The following COL18A1 variants were observed in gnomAD, a reference collection of about 807,000 sequenced individuals.
The protein encoded by COL18A1 is collagen alpha-1(XVIII) chain.
In COL18A1, 133 loss-of-function variants were observed where a neutral mutation model predicts 168.0. The ratio of observed to expected loss-of-function variants is 0.79; its 90% CI spans 0.69 to 0.91. The LOEUF is 0.91. COL18A1 is among the 40% of genes least tolerant of loss of function. The pLI is 0.00. For missense variants in COL18A1, 2,126 were observed against 1,925.4 expected (o/e 1.10, Z -1.95); for synonymous variants, 949 against 809.0 (o/e 1.17, Z -2.94).
Position 45,480,717 on chromosome 21 carries a change from T to C in COL18A1, c.1470T>C (p.Pro490=). Residue 490 remains proline (P), a synonymous_variant, in exon 13 of 42, where the codon CCT becomes CCC. Coordinates refer to ENST00000651438, the MANE Select transcript of COL18A1 (RefSeq NM_001379500.1). ...LEALRGPRGF[P]GPPGPPGVPG... ...ACGTCCAGGGTCCTCGAGGCTTCCCTGGACCTCCCGGACCCCCCGGTGTCC... is the reference window on the plus strand; with the variant it reads ...ACGTCCAGGGTCCTCGAGGCTTCCCCGGACCTCCCGGACCCCCCGGTGTCC... 6.2e-7 allele frequency: 1 copy of C among 1,610,912 alleles called. No individual in the cohort carries two copies. Among genetic ancestry groups the C allele is most frequent in the East Asian group, 2.2e-5 (1 of 44,856 alleles).
At chr21:45,505,780 CGCCCCT>C in intron 36 of COL18A1, 52 bp from the exon 37 acceptor site, 1 of 1,293,168 alleles carries the variant, frequency 7.7e-7, no homozygotes, top group Non-Finnish European at 1.1e-6. Flanking sequence ...TCCTTCCTTC[CGCCCCT>C]GCCCCCCGCC....
chr21:45,424,743 G>GC (rs1414603197), intron 2 of COL18A1: 1 of 152,296 alleles, frequency 6.6e-6, no homozygotes, highest in Admixed American at 6.5e-5. Flanking sequence ...GCAGCCCTTG[G>GC]CCCCCACTGA....
At chr21:45,409,677 T>G (rs887124071) in intron 2 of COL18A1, among the ~76,000 whole-genome samples, 1 of 152,232 alleles carries the variant, frequency 6.6e-6, no homozygotes, top group African/African-American at 2.4e-5. Context: ...TGCCATCTGG[T>G]GCCTGAGCGC....
chr21:45,422,999 A>G (rs906521627), intron 2 of COL18A1, among the ~76,000 whole-genome samples: 7 of 152,014 alleles, frequency 4.6e-5, no homozygotes, highest in African/African-American at 1.7e-4. Context: ...TTTTTAGTAG[A>G]GACAAGGTTT....
At chr21:45,466,738 G>A (rs993179299) in intron 2 of COL18A1, among the ~76,000 whole-genome samples, 10 of 152,174 alleles carry the variant, frequency 6.6e-5, no homozygotes, top group Non-Finnish European at 1.0e-4. Context: ...CCGGTGTAGC[G>A]TGCTGGTACC....
chr21:45,451,975 C>A (rs1229319792), intron 2 of COL18A1, among the ~76,000 whole-genome samples: 4 of 152,258 alleles, frequency 2.6e-5, no homozygotes, highest in Non-Finnish European at 5.9e-5. Flanking sequence ...ACACGTGTGT[C>A]CTCTGTCTCT....
chr21:45,448,899 G>A (rs985183075), intron 2 of COL18A1, among the ~76,000 whole-genome samples: 2 of 152,076 alleles, frequency 1.3e-5, no homozygotes, highest in African/African-American at 4.8e-5. Context: ...TAACGTGGCA[G>A]TCCAGCTGGG....
At chr21:45,480,334 G>GT in intron 11 of COL18A1, 133 bp from the exon 12 acceptor site, 1 of 1,520,294 alleles carries the variant, frequency 6.6e-7, no homozygotes, top group Non-Finnish European at 9.0e-7. Flanking sequence ...TTCTCTGGGG[G>GT]CAGCAGAGGG....
chr21:45,455,350 C>T lies in COL18A1; in HGVS notation c.107-12892C>T, dbSNP rs2083372079. On this transcript the variant is annotated intron_variant, in intron 2 of 41. Coordinates refer to ENST00000651438, the MANE Select transcript of COL18A1 (RefSeq NM_001379500.1). ...CCTTGGGTGCTGGAACCCCCGGGTG[C>T]TGGGCACCTTGATTCCAAGGCTGGT... The T allele has an allele frequency of 4.6e-5, 37 of 804,654 alleles. 1 individual carries two copies. The South Asian group carries it at 6.2e-4, about 13-fold the overall frequency. 49.8% of individuals were successfully genotyped at this position (804,654 alleles called of 1,614,324 possible). A position where few individuals can be genotyped will look rare whatever the true frequency, so the allele number is the denominator to read the frequency against.
chr21:45,509,210 C>T (rs1487289730), intron 38 of COL18A1, 146 bp from the exon 39 acceptor site: 2 of 1,122,866 alleles, frequency 1.8e-6, no homozygotes, highest in Admixed American at 2.6e-5. Flanking sequence ...CCTACACCCC[C>T]AGGGCAGCCC....
chr21:45,477,549 C>G (rs979415470), intron 7 of COL18A1, 62 bp downstream of exon 7: 4 of 1,489,168 alleles, frequency 2.7e-6, no homozygotes, highest in Non-Finnish European at 3.7e-6. Context: ...GCCTTTTGGG[C>G]CACTCACTGG....
chr21:45,439,545 A>G (rs2034310362), intron 2 of COL18A1, among the ~76,000 whole-genome samples: 1 of 152,254 alleles, frequency 6.6e-6, no homozygotes, highest in Non-Finnish European at 1.5e-5. Flanking sequence ...GCCTGCTGAG[A>G]AATGCCTGGG....
chr21:45,490,437 C>A, intron 20 of COL18A1, 91 bp downstream of exon 20: 1 of 1,141,576 alleles, frequency 8.8e-7, no homozygotes, highest in African/African-American at 1.6e-5. Context: ...GATGTGCCCT[C>A]CCGGGTCCCT....
chr21:45,468,666 C>T lies in COL18A1; in HGVS notation c.531C>T (p.Tyr177=), dbSNP rs757004289. 1.1e-5 allele frequency: 18 copies of T among 1,613,780 alleles called. No homozygotes were observed. The highest frequency in any genetic ancestry group is 7.7e-5 in the South Asian group (7 of 91,096). Residue 177 remains tyrosine (Y), a synonymous_variant, in exon 3 of 42, where the codon TAC becomes TAT. Coordinates refer to ENST00000651438, the MANE Select transcript of COL18A1 (RefSeq NM_001379500.1). ...TGGCAGGTGGCTTTGTGGCCCTCTA[C>T]GTGGACTGTGAGGAGTTCCAGAGAA... ...LSVAGGFVAL[Y]VDCEEFQRMP...
intron 13 of COL18A1, 127 bp from the exon 14 acceptor site, chr21:45,481,836 C>T: frequency 2.7e-6 from 2 of 745,882 alleles, no homozygotes; most frequent in Admixed American, 2.0e-5. Flanking sequence ...GACTCTGGCC[C>T]TGTGTCTGGG....
In COL18A1 at chr21:45,478,110, G is replaced by T. The variant is rs1181684135; in HGVS notation, c.1221+145G>T. 11 of 747,548 alleles carry T rather than the reference G, an allele frequency of 1.5e-5. No individual in the cohort carries two copies. The East Asian group carries it at 3.0e-4, about 20-fold the overall frequency. 46.3% of individuals were successfully genotyped at this position (747,548 alleles called of 1,614,324 possible). A position where few individuals can be genotyped will look rare whatever the true frequency, so the allele number is the denominator to read the frequency against. On this transcript the variant is annotated intron_variant, in intron 8 of 41. Coordinates refer to ENST00000651438, the MANE Select transcript of COL18A1 (RefSeq NM_001379500.1). Reference sequence around the variant, plus strand: ...CCTCCTTAGGCCCACCGTTGCTCGGGGTTGGTGCTGGAAGGTGGTCAGACG... The same window carrying T: ...CCTCCTTAGGCCCACCGTTGCTCGGTGTTGGTGCTGGAAGGTGGTCAGACG...
At chr21:45,454,364 C>T (rs2034728051) in intron 2 of COL18A1, among the ~76,000 whole-genome samples, 1 of 152,092 alleles carries the variant, frequency 6.6e-6, no homozygotes, top group Non-Finnish European at 1.5e-5. Context: ...GACCCCAGCC[C>T]TGGGGGAGGG....
At chr21:45,505,559 C>T in intron 36 of COL18A1, 128 bp downstream of exon 36, 3 of 699,976 alleles carry the variant, frequency 4.3e-6, no homozygotes, top group Admixed American at 2.3e-5. Flanking sequence ...GATGCGGTTT[C>T]CAGGGTGGAA....
chr21:45,480,133 C>A lies in COL18A1; in HGVS notation c.1375C>A (p.Pro459Thr). 1 of 1,593,574 alleles carries A rather than the reference C, an allele frequency of 6.3e-7. No individual in the cohort carries two copies. The highest frequency in any genetic ancestry group is 8.6e-7 in the Non-Finnish European group (1 of 1,162,016). The change falls in exon 11 of 42, where the codon CCC becomes ACC. Residue 459 changes from proline to threonine, a missense_variant. Pro to Thr is a conservative substitution (Grantham distance 38). Coordinates refer to ENST00000651438, the MANE Select transcript of COL18A1 (RefSeq NM_001379500.1). ...CCAAGGGCCTCCAGGGCCCCCAGGA[C>A]CCTCCTTCAGACACGACAAGCTGGT... Reference protein sequence around the residue: ...GPQGPPGPPGPSFRHDKLTFI... With the variant: ...GPQGPPGPPGTSFRHDKLTFI...
Sources: allele counts gnomAD v4.1 joint callset (sites outside exome capture counted in the v4.1 genomes callset), GRCh38; gene constraint gnomAD v4.1.1; transcripts MANE v1.5; gene names NCBI Gene and HGNC (gene_info 2026-07-23, HGNC 2026-07-21).